The following CHST11 variants were observed in gnomAD, a reference collection of about 807,000 sequenced individuals.
The protein encoded by CHST11 is C4S-1.
CHST11 carries 9 observed loss-of-function variants against 30.4 expected under a neutral mutation model. The observed-to-expected ratio is 0.30, with a 90% CI of 0.18 to 0.52. The LOEUF (loss-of-function observed/expected upper bound fraction) is 0.52. CHST11 is among the 20% of genes least tolerant of loss of function. The pLI is 0.97. For missense variants in CHST11, 348 were observed against 460.6 expected (o/e 0.76, Z 2.24); for synonymous variants, 152 against 187.8 (o/e 0.81, Z 1.56).
At chr12:104,581,621 TG>T (rs2038745069) in intron 1 of CHST11, among the ~76,000 whole-genome samples, 1 of 151,924 alleles carries the variant, frequency 6.6e-6, no homozygotes, top group South Asian at 2.1e-4. Flanking sequence ...GGCAGGAGGG[TG>T]GGGAGGGTCT....
At position 104,760,031 on chromosome 12, in the gene CHST11, G is replaced by C. The variant is rs2040511032; in HGVS notation, c.*2228G>C. On this transcript the variant is annotated 3_prime_UTR_variant, in exon 3 of 3. Coordinates refer to ENST00000303694, the MANE Select transcript of CHST11 (RefSeq NM_018413.6). The stretch of plus-strand genomic sequence containing the variant: ...ATCCTTAAGAAACAAAGTTAAGTCA[G>C]TTTCCTTTCTGCAAGGACTTTTCAG... 1 of 152,182 alleles carries C rather than the reference G, an allele frequency of 6.6e-6. No individual in the cohort carries two copies. Among genetic ancestry groups the C allele is most frequent in the Admixed American group, 6.5e-5 (1 of 15,274 alleles). 9.4% of individuals were successfully genotyped at this position (152,182 alleles called of 1,614,324 possible).
At chr12:104,527,277 T>C (rs1246725724) in intron 1 of CHST11, among the ~76,000 whole-genome samples, 1 of 152,320 alleles carries the variant, frequency 6.6e-6, no homozygotes, top group East Asian at 1.9e-4. Flanking sequence ...AACTTTGTTG[T>C]TTAGGCCACC....
intron 2 of CHST11, among the ~76,000 whole-genome samples, chr12:104,627,271 T>A (rs1267876979): frequency 1.3e-5 from 2 of 152,238 alleles, no homozygotes. Context: ...TTCCAAGTTT[T>A]GGCAATTAAG....
At chr12:104,750,084 C>T (rs996765425) in intron 2 of CHST11, among the ~76,000 whole-genome samples, 1 of 151,634 alleles carries the variant, frequency 6.6e-6, no homozygotes, top group Non-Finnish European at 1.5e-5. Context: ...TTGGTGGTTC[C>T]GTGTAGCTCC....
chr12:104,475,587 T>C (rs1326992356), intron 1 of CHST11, among the ~76,000 whole-genome samples: 1 of 144,806 alleles, frequency 6.9e-6, no homozygotes, highest in Non-Finnish European at 1.5e-5. Context: ...AGGGGCAAGG[T>C]TGGTGGCCCC....
chr12:104,608,272 A>G (rs568105974), intron 2 of CHST11, among the ~76,000 whole-genome samples: 1 of 152,208 alleles, frequency 6.6e-6, no homozygotes. Context: ...GGCAGGACCA[A>G]GGGAAAACAA....
chr12:104,659,219 C>T (rs777876954), intron 2 of CHST11, among the ~76,000 whole-genome samples: 18 of 152,228 alleles, frequency 1.2e-4, no homozygotes, highest in Non-Finnish European at 2.5e-4. Flanking sequence ...CATTGACTAG[C>T]TGTGTGACTT....
At chr12:104,635,707 C>A (rs979423649) in intron 2 of CHST11, among the ~76,000 whole-genome samples, 2 of 152,212 alleles carry the variant, frequency 1.3e-5, no homozygotes, top group Non-Finnish European at 2.9e-5. Flanking sequence ...AGGAAGAGTT[C>A]ATCAGTGCTG....
intron 1 of CHST11, among the ~76,000 whole-genome samples, chr12:104,544,194 A>G (rs755693145): frequency 1.1e-4 from 16 of 140,788 alleles, no homozygotes; most frequent in Non-Finnish European, 2.3e-4. Context: ...CCTGAAAAGA[A>G]CTAATTAACG....
chr12:104,527,598 T>C (rs1195945941), intron 1 of CHST11, among the ~76,000 whole-genome samples: 1 of 152,218 alleles, frequency 6.6e-6, no homozygotes, highest in Non-Finnish European at 1.5e-5. Flanking sequence ...AGACAGCACC[T>C]AGCTCTGAGC....
intron 1 of CHST11, among the ~76,000 whole-genome samples, chr12:104,561,841 A>T (rs2038517068): frequency 6.7e-6 from 1 of 148,840 alleles, no homozygotes; most frequent in Non-Finnish European, 1.5e-5. Context: ...GCCAGGCTGG[A>T]GTGCAGTGGT....
rs188449421 is a variant in CHST11, at chr12:104,694,562, G to A, written c.205-62387G>A. On this transcript the variant is annotated intron_variant, in intron 2 of 2. Transcript: ENST00000303694. ...CAAGAGCACAGCCCCCTGTTTTGAC[G>A]CTGCATTAGTGGAGGGAATGAGTTT... Among the ~76,000 whole-genome samples, 157 of 152,286 alleles carry A rather than the reference G, an allele frequency of 1.0e-3. 1 individual carries two copies. The highest frequency in any genetic ancestry group is 7.2e-4 in the Non-Finnish European group (49 of 68,036).
At chr12:104,543,136 CG>C (rs2038301533) in intron 1 of CHST11, among the ~76,000 whole-genome samples, 1 of 152,080 alleles carries the variant, frequency 6.6e-6, no homozygotes, top group Non-Finnish European at 1.5e-5. Context: ...GAAGGGGAGC[CG>C]GGGTGTCACA....
intron 2 of CHST11, among the ~76,000 whole-genome samples, chr12:104,706,342 C>A (rs1003474785): frequency 1.1e-3 from 165 of 151,508 alleles, no homozygotes; most frequent in African/African-American, 3.9e-3. Context: ...CGAGATTGCA[C>A]CACTGCACTC....
chr12:104,738,343 A>T (rs1253865551), intron 2 of CHST11, among the ~76,000 whole-genome samples: 1 of 152,058 alleles, frequency 6.6e-6, no homozygotes, highest in Non-Finnish European at 1.5e-5. Context: ...ATCCTCTCTT[A>T]GATGGCCTTC....
At chr12:104,681,858 T>C (rs2039799370) in intron 2 of CHST11, among the ~76,000 whole-genome samples, 1 of 139,096 alleles carries the variant, frequency 7.2e-6, no homozygotes, top group East Asian at 2.1e-4. Context: ...TGAGATGGAG[T>C]CTCGCTCTGT....
chr12:104,565,705 G>C (rs1458006162), intron 1 of CHST11, among the ~76,000 whole-genome samples: 1 of 152,180 alleles, frequency 6.6e-6, no homozygotes, highest in Admixed American at 6.5e-5. Flanking sequence ...AAATGCTCCA[G>C]GATGAGGAGA....
intron 1 of CHST11, among the ~76,000 whole-genome samples, chr12:104,596,965 T>G (rs1054073612): frequency 6.6e-6 from 1 of 152,154 alleles, no homozygotes; most frequent in Admixed American, 6.5e-5. Context: ...AAGTTCCTAC[T>G]CAGGGTCCCA....
chr12:104,730,525 C>A (rs1347649237), intron 2 of CHST11, among the ~76,000 whole-genome samples: 1 of 152,260 alleles, frequency 6.6e-6, no homozygotes, highest in Non-Finnish European at 1.5e-5. Context: ...AAATAGCCTC[C>A]TGTGACACAG....
Sources: allele counts gnomAD v4.1 joint callset (sites outside exome capture counted in the v4.1 genomes callset), GRCh38; gene constraint gnomAD v4.1.1; transcripts MANE v1.5; gene names NCBI Gene and HGNC (gene_info 2026-07-23, HGNC 2026-07-21).